Variants in ZNF343 observed in about 807,000 individuals in gnomAD.
ZNF343 encodes the protein zinc finger protein 343.
A neutral mutation model predicts 13.8 loss-of-function variants in ZNF343; 11 were observed. That is an observed-to-expected ratio of 0.80 (90% CI 0.50 to 1.32). The LOEUF (loss-of-function observed/expected upper bound fraction) is 1.32, where lower values mean the gene tolerates loss of function less well. Ranked by LOEUF, ZNF343 falls within the 40% of genes most tolerant of loss-of-function variation. ZNF343 has a pLI of 0.00. For missense variants in ZNF343, 658 were observed against 714.2 expected, an observed-to-expected ratio of 0.92 and a Z score of 0.90; for synonymous variants, 248 against 260.0, an observed-to-expected ratio of 0.95 and a Z score of 0.44.
chr20:2,509,290 C>T (rs953689465), upstream of ZNF343, among the ~76,000 whole-genome samples: 1 of 152,156 alleles, frequency 6.6e-6, no homozygotes, highest in Non-Finnish European at 1.5e-5. Flanking sequence ...ACCTGAATTC[C>T]CTGGGCTGAG....
chr20:2,510,669 G>A (rs1052587129), upstream of ZNF343, among the ~76,000 whole-genome samples: 2 of 152,152 alleles, frequency 1.3e-5, no homozygotes, highest in African/African-American at 4.8e-5. Flanking sequence ...TTAGTACTGG[G>A]CAGAATCTGT....
At chr20:2,521,256 A>C (rs6114745) in intron 1 of ZNF343, among the ~76,000 whole-genome samples, 14,552 of 152,066 alleles carry the variant, frequency 0.096, 952 homozygotes, top group African/African-American at 0.19. Flanking sequence ...CTTATGGTAC[A>C]AGCATTGGGA....
In ZNF343 at chr20:2,484,192, T is replaced by G; in HGVS notation, c.769A>C (p.Ile257Leu). The G allele has an allele frequency of 6.2e-7, 1 of 1,614,256 alleles. No individual in the cohort carries two copies. The highest frequency in any genetic ancestry group is 8.5e-7 in the Non-Finnish European group (1 of 1,180,052). Residue 257 changes from isoleucine (I) to leucine (L), a missense_variant, in exon 6 of 6, where the codon ATT becomes CTT. Coordinates refer to ENST00000278772, the MANE Select transcript of ZNF343 (RefSeq NM_024325.6). Reference sequence around the variant, plus strand: ...CCTAAGAGGGTCCTCGGGTTTGTAATAAAGTTTGATTCCAGGTTATGGTCC... The same window carrying G: ...CCTAAGAGGGTCCTCGGGTTTGTAAGAAAGTTTGATTCCAGGTTATGGTCC... ...EPDHNLESNF[I>L]TNPRTLLGKK...
At position 2,492,826 on chromosome 20, in the gene ZNF343, C is replaced by T. The variant is rs148061097; in HGVS notation, c.178-1G>A. ...TCACATCCCTGAATGTAACTGGTAC[C>T]TACAAACAACCAGTAAATTAATGTA... On this transcript the variant is annotated splice_acceptor_variant, in intron 4 of 5. Coordinates refer to ENST00000278772, the MANE Select transcript of ZNF343 (RefSeq NM_024325.6). LOFTEE classifies it high-confidence loss of function. The T allele has an allele frequency of 5.6e-4, 902 of 1,612,814 alleles. 5 individuals are homozygous for T. Among genetic ancestry groups the T allele is most frequent in the South Asian group, 3.7e-3 (339 of 91,058 alleles).
intron 1 of ZNF343, among the ~76,000 whole-genome samples, chr20:2,514,978 G>A (rs928557973): frequency 6.6e-6 from 1 of 150,652 alleles, no homozygotes; most frequent in Non-Finnish European, 1.5e-5. Flanking sequence ...ACTCCAGCCT[G>A]GGTGACAGAG....
At chr20:2,492,937 C>G in intron 4 of ZNF343, 112 bp from the exon 5 acceptor site, 1 of 1,476,840 alleles carries the variant, frequency 6.8e-7, no homozygotes, top group Non-Finnish European at 9.2e-7. Flanking sequence ...TGTAATTCGT[C>G]AGAATATATG....
chr20:2,488,246 A>G (rs2085313082), intron 5 of ZNF343, among the ~76,000 whole-genome samples: 1 of 151,856 alleles, frequency 6.6e-6, no homozygotes, highest in African/African-American at 2.4e-5. Flanking sequence ...TAGTGTGTTT[A>G]CGGTTTAATT....
intron 2 of ZNF343, among the ~76,000 whole-genome samples, chr20:2,499,024 G>C (rs1224850022): frequency 6.6e-6 from 1 of 152,030 alleles, no homozygotes; most frequent in African/African-American, 2.4e-5. Flanking sequence ...ATTTTTAGTA[G>C]AGACGGGGTT....
At chr20:2,515,829 T>C (rs1033525050) in intron 1 of ZNF343, among the ~76,000 whole-genome samples, 1 of 152,096 alleles carries the variant, frequency 6.6e-6, no homozygotes, top group Non-Finnish European at 1.5e-5. Flanking sequence ...AGAGACAGGC[T>C]CAGGTGATGG....
At position 2,483,128 on chromosome 20, in the gene ZNF343, G is replaced by C; in HGVS notation, c.*33C>G. 6.4e-7 allele frequency: 1 copy of C among 1,573,338 alleles called. No homozygotes were observed. Among genetic ancestry groups the C allele is most frequent in the Non-Finnish European group, 8.6e-7 (1 of 1,159,440 alleles). The stretch of plus-strand genomic sequence containing the variant: ...AGGCTTGACTGGTCACTCAGGTCTT[G>C]TTCATGACCCCTGCATACACAGGTT... On this transcript the variant is annotated 3_prime_UTR_variant, in exon 6 of 6. Transcript: ENST00000278772.
chr20:2,521,285 T>C (rs901494136), intron 1 of ZNF343, among the ~76,000 whole-genome samples: 1 of 152,176 alleles, frequency 6.6e-6, no homozygotes, highest in Non-Finnish European at 1.5e-5. Context: ...ACTGGAGTCA[T>C]AATCAGGGCA....
Position 2,484,276 on chromosome 20 carries a change from C to A in ZNF343, c.685G>T (p.Gly229Cys), listed in dbSNP as rs1366019310. 3 of 1,614,210 alleles carry A rather than the reference C, an allele frequency of 1.9e-6. No individual in the cohort carries two copies. In the East Asian group the frequency reaches 6.7e-5, roughly 36 times the overall value. The change falls in exon 6 of 6, where the codon GGC becomes TGC. Residue 229 changes from glycine (G) to cysteine (C), a missense_variant. By Grantham distance (159) the Gly-to-Cys change is radical (BLOSUM62 -3). Transcript: ENST00000278772. Reference sequence around the variant, plus strand: ...CTCAAGGTTTCTAATTCCTTCAAGCCTTTGTCTAGCTGCACAGGGTTTGGT... The same window carrying A: ...CTCAAGGTTTCTAATTCCTTCAAGCATTTGTCTAGCTGCACAGGGTTTGGT... The part of the protein sequence containing the change: ...QRPNPVQLDK[G>C]LKELETLRFG...
rs1303339626 is a variant in ZNF343 at position 2,483,037 on chromosome 20, C to T, written c.*124G>A. The T allele has an allele frequency of 8.3e-7, 1 of 1,204,870 alleles. No homozygotes were observed. The highest frequency in any genetic ancestry group is 1.1e-6 in the Non-Finnish European group (1 of 872,144). The allele number at this position is 1,204,870 out of a possible 1,614,324, so 74.6% of individuals were successfully genotyped here. ...ATGCCTGATAAGGGCTGACACATCTCTGGAACTTCACTCACAATCTGTGTA... is the reference window on the plus strand; with the variant it reads ...ATGCCTGATAAGGGCTGACACATCTTTGGAACTTCACTCACAATCTGTGTA... On this transcript the variant is annotated 3_prime_UTR_variant, in exon 6 of 6. Transcript: ENST00000278772.
At chr20:2,521,724 T>A (rs1229004201) in intron 1 of ZNF343, among the ~76,000 whole-genome samples, 1 of 152,222 alleles carries the variant, frequency 6.6e-6, no homozygotes, top group East Asian at 1.9e-4. Flanking sequence ...CTCTAGCTTC[T>A]GTGTGGGGAG....
At chr20:2,509,361 G>A (rs1035223274), upstream of ZNF343, among the ~76,000 whole-genome samples, 1 of 152,206 alleles carries the variant, frequency 6.6e-6, no homozygotes, top group Admixed American at 6.5e-5. Context: ...CGTGTTGCCT[G>A]TGACACACAG....
intron 5 of ZNF343, 85 bp from the exon 6 acceptor site, chr20:2,484,741 A>G: frequency 2.4e-6 from 3 of 1,239,716 alleles, no homozygotes; most frequent in Non-Finnish European, 2.3e-6. Flanking sequence ...AGAATGTTTT[A>G]CTGCCATGCC....
At chr20:2,501,118 C>T (rs1432211359) in intron 1 of ZNF343, among the ~76,000 whole-genome samples, 5 of 152,162 alleles carry the variant, frequency 3.3e-5, no homozygotes, top group South Asian at 2.1e-4. Context: ...CCTAATACTG[C>T]GCTTTTCCAA....
chr20:2,489,836 C>T (rs1490876338), intron 5 of ZNF343, among the ~76,000 whole-genome samples: 1 of 151,958 alleles, frequency 6.6e-6, no homozygotes, highest in African/African-American at 2.4e-5. Context: ...AAGACATTAA[C>T]ATGAATATGT....
chr20:2,505,361 T>A (rs1224918143), intron 1 of ZNF343, among the ~76,000 whole-genome samples: 1 of 152,160 alleles, frequency 6.6e-6, no homozygotes, highest in African/African-American at 2.4e-5. Flanking sequence ...ATTGTGAAAA[T>A]GGCCATACTG....
Sources: gnomAD v4.1 joint callset for allele counts (sites outside exome capture counted in the v4.1 genomes callset) on GRCh38, gnomAD v4.1.1 for gene constraint, MANE v1.5 for transcripts, NCBI Gene and HGNC (gene_info 2026-07-23, HGNC 2026-07-21) for gene names.